HADHA: variants seen among roughly 807,000 people sequenced by gnomAD.
HADHA encodes the protein hydroxyacyl-CoA dehydrogenase trifunctional multienzyme complex subunit alpha.
HADHA carries 59 observed loss-of-function variants against 91.3 expected under a neutral mutation model. The observed-to-expected ratio is 0.65, with a 90% confidence interval of 0.52 to 0.80. The LOEUF (loss-of-function observed/expected upper bound fraction) is 0.80, where lower values mean the gene tolerates loss of function less well. Ranked by LOEUF, HADHA falls within the 30% of genes least tolerant of loss-of-function variation. HADHA has a pLI of 0.00. For synonymous variants in HADHA, 320 were observed against 338.9 expected (o/e 0.94, Z 0.61); for missense variants, 800 against 927.6 (o/e 0.86, Z 1.79).
At chr2:26,235,107 G>C (rs559575368) in intron 4 of HADHA, 3 of 152,164 alleles carry the variant, frequency 2.0e-5, no homozygotes, top group Non-Finnish European at 4.4e-5. Context: ...TCAGGAGTTC[G>C]AGACCAGGCT....
At chr2:26,238,446 A>G (rs530699662) in intron 3 of HADHA, among the ~76,000 whole-genome samples, 1 of 152,354 alleles carries the variant, frequency 6.6e-6, no homozygotes, top group South Asian at 2.1e-4. Context: ...AGAAGTTTCA[A>G]TTCGAACAGA....
chr2:26,212,258 T>C (rs13403010), intron 10 of HADHA: 7,625 of 370,240 alleles, frequency 0.021, 518 homozygotes, highest in African/African-American at 0.14. Flanking sequence ...GGCTAACTTT[T>C]GTAGTTTTTG....
Position 26,194,622 on chromosome 2 carries a change from T to C in HADHA, c.1637A>G (p.Tyr546Cys), listed in dbSNP as rs370170143. ...CATGGGCGCAAGACACCTGGTAGTA[T>C]AGAAGCCAGGTCCATCCTGCCAAGG... ...IIVVKDGPGFYTTRCLAPMMS... is the reference protein window; with the variant it reads ...IIVVKDGPGFCTTRCLAPMMS... The change falls in exon 16 of 20, where the codon TAT becomes TGT. Residue 546 changes from tyrosine to cysteine, a missense_variant. Transcript: ENST00000380649. The C allele has an allele frequency of 9.9e-5, 159 of 1,610,090 alleles. No homozygotes were observed. Among genetic ancestry groups the C allele is most frequent in the Non-Finnish European group, 1.2e-4 (143 of 1,176,672 alleles).
Position 26,196,901 on chromosome 2 carries a change from CATT to C in HADHA, c.1479+787_1479+789del, listed in dbSNP as rs371397155. Among the ~76,000 whole-genome samples the C allele has an allele frequency of 4.9e-4, 74 of 152,324 alleles. No individual in the cohort carries two copies. In the South Asian group the frequency reaches 0.012, roughly 25 times the overall value. On this transcript the variant is annotated intron_variant, in intron 14 of 19. Coordinates refer to ENST00000380649, the MANE Select transcript of HADHA (RefSeq NM_000182.5). The stretch of plus-strand genomic sequence containing the variant: ...CTCCCTATGACCTTTAGCCTGCCAT[CATT>C]GAGCCTGCCTCTGTCAGGTCCCCGC...
chr2:26,206,029 G>C (rs188205955), intron 11 of HADHA, among the ~76,000 whole-genome samples: 193 of 152,084 alleles, frequency 1.3e-3, no homozygotes, highest in Non-Finnish European at 2.1e-3. Flanking sequence ...AGCCAGGCAC[G>C]GTAGCTCATG....
At chr2:26,236,377 A>ATACT (rs1553315895) in intron 4 of HADHA, among the ~76,000 whole-genome samples, 1 of 94,052 alleles carries the variant, frequency 1.1e-5, no homozygotes, top group Non-Finnish European at 2.2e-5. Flanking sequence ...ATATATATAT[A>ATACT]CTCTGTGTGT....
intron 4 of HADHA, among the ~76,000 whole-genome samples, chr2:26,234,720 C>T (rs1360622011): frequency 6.7e-6 from 1 of 149,994 alleles, no homozygotes; most frequent in South Asian, 2.1e-4. Context: ...GAGCCGAGAT[C>T]GCGCCACTGC....
At chr2:26,235,502 T>C (rs1670725813) in intron 4 of HADHA, among the ~76,000 whole-genome samples, 1 of 152,266 alleles carries the variant, frequency 6.6e-6, no homozygotes, top group Non-Finnish European at 1.5e-5. Flanking sequence ...AGAAGCTACA[T>C]GTATTTTCCT....
chr2:26,232,348 G>A (rs879049744), intron 5 of HADHA, 69 bp from the exon 6 acceptor site: 2 of 1,043,094 alleles, frequency 1.9e-6, no homozygotes, highest in Non-Finnish European at 3.0e-6. Context: ...GATGGATAAG[G>A]GTCTAAAGAT....
chr2:26,196,866 G>C (rs545432434), intron 14 of HADHA, among the ~76,000 whole-genome samples: 84 of 152,268 alleles, frequency 5.5e-4, no homozygotes, highest in Middle Eastern at 6.8e-3. Context: ...TAGACTATCG[G>C]CTGCAACTTC....
At position 26,221,523 on chromosome 2, in the gene HADHA, C is replaced by T. The variant is rs891052987; in HGVS notation, c.677-6348G>A. 2.0e-5 allele frequency among the ~76,000 whole-genome samples: 3 copies of T among 152,110 alleles called. No homozygotes were observed. The South Asian group carries it at 6.2e-4, about 32-fold the overall frequency. ...ACTAAGCCATAAAGTGGGGTGTACA[C>T]GGTAGCACTCCATTATCAAATGGAA... On this transcript the variant is annotated intron_variant, in intron 7 of 19. Transcript: ENST00000380649. The surrounding 1 kb of genome is among the most constrained non-coding windows in gnomAD (Gnocchi z 4.8).
chr2:26,212,875 G>A (rs573478782), intron 9 of HADHA, among the ~76,000 whole-genome samples: 3 of 152,172 alleles, frequency 2.0e-5, no homozygotes, highest in Admixed American at 6.5e-5. Flanking sequence ...TTACTCTTCC[G>A]GCTTCTCTCC....
chr2:26,235,004 T>A (rs1670712788), intron 4 of HADHA: 1 of 152,266 alleles, frequency 6.6e-6, no homozygotes, highest in African/African-American at 2.4e-5. Flanking sequence ...CAGATCCCAC[T>A]AATGAATAAA....
rs984506378 is a variant in HADHA at position 26,207,324 on chromosome 2, T to G, written c.1085+2456A>C. ...AAGAATGCATTATTTAGTAGGTTTT[T>G]TTTTTTTTTTTTGGTGGGAGGGCAT... is the stretch of plus-strand genomic sequence containing the variant. On this transcript the variant is annotated intron_variant, in intron 11 of 19. Transcript: ENST00000380649. Among the ~76,000 whole-genome samples the G allele has an allele frequency of 6.5e-4, 98 of 151,808 alleles. 1 individual carries two copies. The highest frequency in any genetic ancestry group is 2.3e-3 in the African/African-American group (96 of 41,516).
At chr2:26,209,047 C>A (rs190496873) in intron 11 of HADHA, among the ~76,000 whole-genome samples, 1 of 152,330 alleles carries the variant, frequency 6.6e-6, no homozygotes, top group Admixed American at 6.5e-5. Flanking sequence ...GGACTACTGA[C>A]ATTTCGAACT....
At chr2:26,192,471 G>A in intron 17 of HADHA, 47 bp from the exon 18 acceptor site, 2 of 1,036,712 alleles carry the variant, frequency 1.9e-6, no homozygotes, top group Non-Finnish European at 3.1e-6. Flanking sequence ...TCTCAGGGAG[G>A]GAGTGTTACT....
chr2:26,211,630 GTCTGAAA>G (rs1422842524), intron 10 of HADHA, among the ~76,000 whole-genome samples: 1 of 152,142 alleles, frequency 6.6e-6, no homozygotes, highest in African/African-American at 2.4e-5. Flanking sequence ...ATCTGACAAA[GTCTGAAA>G]TCTGAAATGT....
chr2:26,209,473 A>G (rs1670042541), intron 11 of HADHA, among the ~76,000 whole-genome samples: 1 of 152,194 alleles, frequency 6.6e-6, no homozygotes, highest in South Asian at 2.1e-4. Flanking sequence ...AGAGATGATC[A>G]TTGAACAGTG....
intron 3 of HADHA, among the ~76,000 whole-genome samples, chr2:26,237,895 T>A (rs1670799310): frequency 6.6e-6 from 1 of 152,174 alleles, no homozygotes; most frequent in Non-Finnish European, 1.5e-5. Context: ...GGTTAGTGAG[T>A]GCTAAAATTT....
Sources: gnomAD v4.1 joint callset for allele counts (sites outside exome capture counted in the v4.1 genomes callset) on GRCh38, gnomAD v4.1.1 for gene constraint, Gnocchi (gnomAD v3.1) non-coding constraint, MANE v1.5 for transcripts, NCBI Gene and HGNC (gene_info 2026-07-23, HGNC 2026-07-21) for gene names.